Variants in INVS observed in about 807,000 individuals in gnomAD.
INVS encodes the protein inversion of embryo turning homolog.
A neutral mutation model predicts 108.8 loss-of-function variants in INVS; 86 were observed. The observed-to-expected ratio is 0.79, with a 90% confidence interval of 0.66 to 0.95. The LOEUF (loss-of-function observed/expected upper bound fraction) is 0.95. INVS is among the 40% of genes least tolerant of loss of function. INVS has a pLI of 0.00. For synonymous variants in INVS, 455 were observed against 473.5 expected (o/e 0.96, Z 0.51); for missense variants, 1,169 against 1,297.4 (o/e 0.90, Z 1.52).
chr9:100,149,780 A>C (rs1445777008), intron 3 of INVS, among the ~76,000 whole-genome samples: 1 of 152,122 alleles, frequency 6.6e-6, no homozygotes, highest in Non-Finnish European at 1.5e-5. Flanking sequence ...TTTTTCTATC[A>C]TGTTTCTAGT....
At chr9:100,189,880 G>A (rs1415948530) in intron 3 of INVS, among the ~76,000 whole-genome samples, 1 of 151,984 alleles carries the variant, frequency 6.6e-6, no homozygotes, top group Non-Finnish European at 1.5e-5. Context: ...GTGAGCCACT[G>A]TGCCCAGCAA....
intron 3 of INVS, among the ~76,000 whole-genome samples, chr9:100,225,790 T>C (rs1373284093): frequency 6.6e-6 from 1 of 152,136 alleles, no homozygotes; most frequent in Non-Finnish European, 1.5e-5. Context: ...CTAACAATAA[T>C]AGACTGGTTA....
chr9:100,243,038 C>A (rs1314157417), intron 7 of INVS, among the ~76,000 whole-genome samples: 1 of 152,074 alleles, frequency 6.6e-6, no homozygotes, highest in Non-Finnish European at 1.5e-5. Flanking sequence ...CAAGTGATAG[C>A]CTGAGGTTTT....
At chr9:100,182,811 G>T (rs7872014) in intron 3 of INVS, among the ~76,000 whole-genome samples, 29,390 of 151,924 alleles carry the variant, frequency 0.19, 4,528 homozygotes, top group African/African-American at 0.43. Flanking sequence ...ATCATTCTAC[G>T]ATAAAGACAC....
chr9:100,229,878 A>T, intron 5 of INVS, 51 bp downstream of exon 5: 1 of 1,553,710 alleles, frequency 6.4e-7, no homozygotes, highest in Admixed American at 1.7e-5. Flanking sequence ...TTTTTTTATT[A>T]TGAATTATTT....
At chr9:100,186,089 A>G (rs1830048115) in intron 3 of INVS, among the ~76,000 whole-genome samples, 1 of 152,132 alleles carries the variant, frequency 6.6e-6, no homozygotes, top group Non-Finnish European at 1.5e-5. Context: ...AAATGGGTCA[A>G]ATGGTAGATC....
At chr9:100,265,044 G>T in intron 11 of INVS, 116 bp downstream of exon 11, 1 of 724,752 alleles carries the variant, frequency 1.4e-6, no homozygotes, top group Non-Finnish European at 2.5e-6. Flanking sequence ...CTGGGTTCAA[G>T]CAATTCTTCT....
intron 1 of INVS, among the ~76,000 whole-genome samples, chr9:100,103,499 G>T (rs1409972470): frequency 6.6e-6 from 1 of 151,920 alleles, no homozygotes; most frequent in African/African-American, 2.4e-5. Context: ...GTGATGGCAG[G>T]TGCCTATAAT....
At chr9:100,181,859 C>T (rs377064329) in intron 3 of INVS, among the ~76,000 whole-genome samples, 9 of 151,998 alleles carry the variant, frequency 5.9e-5, no homozygotes, top group Admixed American at 2.0e-4. Flanking sequence ...TACCTGACTT[C>T]GAACTACACT....
intron 2 of INVS, among the ~76,000 whole-genome samples, chr9:100,115,860 G>C (rs1827503196): frequency 6.6e-6 from 1 of 152,088 alleles, no homozygotes; most frequent in South Asian, 2.1e-4. Context: ...AGATCCCTCA[G>C]GAATCGCCAC....
At chr9:100,249,379 CTA>C (rs1832148919) in intron 8 of INVS, among the ~76,000 whole-genome samples, 1 of 151,804 alleles carries the variant, frequency 6.6e-6, no homozygotes, top group Non-Finnish European at 1.5e-5. Flanking sequence ...GAAATATACT[CTA>C]TAGATAATAT....
At chr9:100,116,575 C>A (rs1453219003) in intron 2 of INVS, among the ~76,000 whole-genome samples, 1 of 151,992 alleles carries the variant, frequency 6.6e-6, no homozygotes, top group African/African-American at 2.4e-5. Context: ...TGGATGAAAT[C>A]TAATTTATTA....
chr9:100,184,473 CA>C (rs1588071069), intron 3 of INVS, among the ~76,000 whole-genome samples: 1 of 152,086 alleles, frequency 6.6e-6, no homozygotes, highest in African/African-American at 2.4e-5. Context: ...GTGTTGATGA[CA>C]AAGTCCTCAC....
At chr9:100,165,174 G>A (rs971710061) in intron 3 of INVS, among the ~76,000 whole-genome samples, 2 of 151,808 alleles carry the variant, frequency 1.3e-5, no homozygotes, top group Admixed American at 1.3e-4. Flanking sequence ...TTTGATACAG[G>A]CATACAATGT....
At chr9:100,253,166 G>C (rs1389770933) in intron 10 of INVS, 30 bp downstream of exon 10, 11 of 1,535,554 alleles carry the variant, frequency 7.2e-6, no homozygotes, top group Non-Finnish European at 3.6e-6. Flanking sequence ...TATATTGTTT[G>C]CTCCAAAGAA....
intron 5 of INVS, 117 bp from the exon 6 acceptor site, chr9:100,239,943 T>C (rs533345818): frequency 1.7e-5 from 16 of 928,096 alleles, no homozygotes; most frequent in Non-Finnish European, 2.2e-5. Flanking sequence ...TACTCCAACC[T>C]GGGTGACAGA....
At chr9:100,139,753 C>T (rs546695243) in intron 3 of INVS, among the ~76,000 whole-genome samples, 3 of 152,304 alleles carry the variant, frequency 2.0e-5, no homozygotes, top group Non-Finnish European at 4.4e-5. Flanking sequence ...AGTGATCCTC[C>T]TGCCTCAGCC....
At chr9:100,208,032 G>C (rs1261210149) in intron 3 of INVS, among the ~76,000 whole-genome samples, 3 of 148,072 alleles carry the variant, frequency 2.0e-5, no homozygotes, top group Non-Finnish European at 4.4e-5. Flanking sequence ...ACTACAGATT[G>C]ACACAACTAA....
chr9:100,270,511 G>A (rs1270241579), intron 11 of INVS, among the ~76,000 whole-genome samples: 5 of 151,880 alleles, frequency 3.3e-5, no homozygotes, highest in African/African-American at 9.7e-5. Flanking sequence ...TTGGGAGGCC[G>A]AGGTGGTCGG....
Sources: allele counts gnomAD v4.1 joint callset (sites outside exome capture counted in the v4.1 genomes callset), GRCh38; gene constraint gnomAD v4.1.1; transcripts MANE v1.5; gene names NCBI Gene and HGNC (gene_info 2026-07-23, HGNC 2026-07-21).